NOS1AP: variants seen among roughly 807,000 people sequenced by gnomAD.
NOS1AP encodes nitric oxide synthase 1 adaptor protein.
In NOS1AP, 21 loss-of-function variants were observed where a neutral mutation model predicts 56.2. That is an observed-to-expected ratio of 0.37 (90% confidence interval 0.26 to 0.54). The LOEUF (loss-of-function observed/expected upper bound fraction) is 0.54. Among genes scored for constraint, NOS1AP ranks in the 20% least tolerant of loss-of-function variants. The probability of loss-of-function intolerance (pLI) is 0.84; values close to 1 mark genes in which losing one functional copy is unlikely to be tolerated. For missense variants in NOS1AP, 522 were observed against 657.8 expected, an observed-to-expected ratio of 0.79 and a Z score of 2.26; for synonymous variants, 270 against 274.6, an observed-to-expected ratio of 0.98 and a Z score of 0.17.
At chr1:162,342,127 C>T (rs191169283) in intron 5 of NOS1AP, among the ~76,000 whole-genome samples, 2 of 152,308 alleles carry the variant, frequency 1.3e-5, no homozygotes, top group East Asian at 3.9e-4. Context: ...GGTTCTGATT[C>T]GCCACTGGGT....
At chr1:162,181,046 T>C (rs1022729542) in intron 2 of NOS1AP, among the ~76,000 whole-genome samples, 14 of 152,240 alleles carry the variant, frequency 9.2e-5, no homozygotes, top group Non-Finnish European at 1.6e-4. Flanking sequence ...GCAATTTCCA[T>C]GCAAATGTAT....
intron 4 of NOS1AP, among the ~76,000 whole-genome samples, chr1:162,302,397 G>A (rs958829308): frequency 2.0e-5 from 3 of 152,226 alleles, no homozygotes; most frequent in Non-Finnish European, 4.4e-5. Context: ...CTTGAGTGAT[G>A]AGAAAAGGCT....
At chr1:162,180,437 G>A (rs1299023321) in intron 2 of NOS1AP, among the ~76,000 whole-genome samples, 1 of 152,096 alleles carries the variant, frequency 6.6e-6, no homozygotes, top group Non-Finnish European at 1.5e-5. Context: ...GTAGAGGCGC[G>A]CTTTCACCGT....
At chr1:162,140,766 G>A (rs1443263515) in intron 1 of NOS1AP, among the ~76,000 whole-genome samples, 1 of 152,136 alleles carries the variant, frequency 6.6e-6, no homozygotes, top group East Asian at 1.9e-4. Flanking sequence ...CCCACCAACA[G>A]TATAGAAGCG....
chr1:162,272,679 G>C (rs1192467850), intron 2 of NOS1AP, among the ~76,000 whole-genome samples: 1 of 152,110 alleles, frequency 6.6e-6, no homozygotes, highest in Non-Finnish European at 1.5e-5. Flanking sequence ...TCCCATATAT[G>C]TGAGCCTGTG....
chr1:162,337,377 G>A (rs369999613), intron 5 of NOS1AP, among the ~76,000 whole-genome samples: 4 of 152,190 alleles, frequency 2.6e-5, no homozygotes, highest in African/African-American at 9.7e-5. Flanking sequence ...GGTTGCAATG[G>A]ATTTTGAATG....
At chr1:162,355,563 A>C (rs1571241602) in intron 7 of NOS1AP, among the ~76,000 whole-genome samples, 1 of 152,096 alleles carries the variant, frequency 6.6e-6, no homozygotes, top group South Asian at 2.1e-4. Context: ...TGTGGAGCTG[A>C]TTCCTGACAC....
intron 5 of NOS1AP, among the ~76,000 whole-genome samples, chr1:162,340,450 G>T (rs1295848750): frequency 3.3e-5 from 5 of 152,158 alleles, no homozygotes; most frequent in African/African-American, 7.2e-5. Context: ...TCCCTTAGTC[G>T]CTTTATGTTT....
chr1:162,318,995 C>T (rs1656324222), intron 4 of NOS1AP, among the ~76,000 whole-genome samples: 1 of 152,172 alleles, frequency 6.6e-6, no homozygotes, highest in African/African-American at 2.4e-5. Context: ...CCCATGGTGG[C>T]TGCCCCTGCC....
chr1:162,241,867 A>G lies in NOS1AP; in HGVS notation c.178-45477A>G, dbSNP rs548486231. ...AGGCTGGCTGCATGGTGCCATCTCT[A>G]GTCTTACTTTTTCAGCAACCCTGGG... On this transcript the variant is annotated intron_variant, in intron 2 of 9. Coordinates refer to ENST00000361897, the MANE Select transcript of NOS1AP (RefSeq NM_014697.3). 2.0e-5 allele frequency among the ~76,000 whole-genome samples: 3 copies of G among 152,328 alleles called. No homozygotes were observed. In the East Asian group the frequency reaches 5.8e-4, roughly 29 times the overall value.
At chr1:162,190,355 TTA>T (rs879692255) in intron 2 of NOS1AP, among the ~76,000 whole-genome samples, 18 of 110,112 alleles carry the variant, frequency 1.6e-4, no homozygotes, top group African/African-American at 9.0e-4. Flanking sequence ...CACATTTTTT[TTA>T]AATTTTATTT....
intron 2 of NOS1AP, among the ~76,000 whole-genome samples, chr1:162,198,256 C>T (rs1277867466): frequency 6.6e-6 from 1 of 152,168 alleles, no homozygotes; most frequent in Non-Finnish European, 1.5e-5. Flanking sequence ...TCTGATGGCT[C>T]TTCTTATTTT....
chr1:162,358,116 G>C (rs1040181362), intron 8 of NOS1AP, among the ~76,000 whole-genome samples: 3 of 152,164 alleles, frequency 2.0e-5, no homozygotes, highest in African/African-American at 7.2e-5. Context: ...GACCACTTAG[G>C]TTTTCTGCAT....
intron 2 of NOS1AP, among the ~76,000 whole-genome samples, chr1:162,248,401 A>G (rs1021365205): frequency 3.3e-5 from 5 of 152,134 alleles, no homozygotes; most frequent in Non-Finnish European, 5.9e-5. Context: ...CATTACCCAT[A>G]TGCTTTTCTA....
At chr1:162,120,972 A>G (rs1332253978) in intron 1 of NOS1AP, among the ~76,000 whole-genome samples, 1 of 151,812 alleles carries the variant, frequency 6.6e-6, no homozygotes, top group African/African-American at 2.4e-5. Flanking sequence ...GTTCACCTAC[A>G]TCTCTGATGA....
intron 4 of NOS1AP, among the ~76,000 whole-genome samples, chr1:162,321,048 G>A (rs1374418061): frequency 6.6e-6 from 1 of 152,044 alleles, no homozygotes; most frequent in Non-Finnish European, 1.5e-5. Context: ...TTCTCCTAGG[G>A]TGTTTATGGT....
chr1:162,219,625 T>C (rs1260311227), intron 2 of NOS1AP, among the ~76,000 whole-genome samples: 1 of 152,240 alleles, frequency 6.6e-6, no homozygotes, highest in African/African-American at 2.4e-5. Flanking sequence ...CAATAACTGC[T>C]GGAGACAATG....
At chr1:162,229,572 T>A (rs4424487) in intron 2 of NOS1AP, among the ~76,000 whole-genome samples, 68,107 of 151,994 alleles carry the variant, frequency 0.45, 18,673 homozygotes, top group Non-Finnish European at 0.62. Context: ...TGTTCCTGTT[T>A]ATTTTCTCTG....
chr1:162,177,526 C>A (rs1237171057), intron 2 of NOS1AP, among the ~76,000 whole-genome samples: 1 of 152,150 alleles, frequency 6.6e-6, no homozygotes, highest in Non-Finnish European at 1.5e-5. Flanking sequence ...GTAGCTCAGT[C>A]TCCTGGTTTT....
Sources: allele counts gnomAD v4.1 joint callset (sites outside exome capture counted in the v4.1 genomes callset), GRCh38; gene constraint gnomAD v4.1.1; transcripts MANE v1.5; gene names NCBI Gene and HGNC (gene_info 2026-07-23, HGNC 2026-07-21).